The following WAPL variants were observed in gnomAD, a reference collection of about 807,000 sequenced individuals.
WAPL encodes the protein WAPL cohesin release factor, also known as wings apart-like protein homolog.
A neutral mutation model predicts 121.0 loss-of-function variants in WAPL; 5 were observed. That is an observed-to-expected ratio of 0.04 (90% CI 0.02 to 0.09). The LOEUF is 0.09. Ranked by LOEUF, WAPL falls within the 10% of genes least tolerant of loss-of-function variation. The pLI is 1.00. For missense variants in WAPL, 999 were observed against 1,410.8 expected, an observed-to-expected ratio of 0.71 and a Z score of 4.68; for synonymous variants, 480 against 481.5, an observed-to-expected ratio of 1.00 and a Z score of 0.04.
At chr10:86,519,798 A>T (rs915620727) in intron 1 of WAPL, among the ~76,000 whole-genome samples, 5 of 152,246 alleles carry the variant, frequency 3.3e-5, no homozygotes, top group African/African-American at 1.2e-4. Context: ...ACAAAGATGG[A>T]ATGTTTTGGA....
rs577836792 is a variant in WAPL at position 86,513,980 on chromosome 10, C to T, written c.499+3591G>A. The stretch of plus-strand genomic sequence containing the variant: ...ACCCAAGTAGGTACATGAATACTTG[C>T]ATCTGGAGAAAAGAGTTCAAAACTT... On this transcript the variant is annotated intron_variant, in intron 2 of 18. Transcript: ENST00000298767. 2.6e-5 allele frequency among the ~76,000 whole-genome samples: 4 copies of T among 152,296 alleles called. No homozygotes were observed. The South Asian group carries it at 8.3e-4, about 32-fold the overall frequency.
chr10:86,459,381 A>G (rs866697994), intron 11 of WAPL, among the ~76,000 whole-genome samples: 1 of 152,260 alleles, frequency 6.6e-6, no homozygotes, highest in Non-Finnish European at 1.5e-5. Context: ...CGTAAAGTTC[A>G]TAAGTAGATT....
chr10:86,491,658 G>T (rs550859499), intron 4 of WAPL, among the ~76,000 whole-genome samples: 15 of 151,094 alleles, frequency 9.9e-5, no homozygotes, highest in African/African-American at 3.4e-4. Flanking sequence ...GCTCAAAGAT[G>T]ACAGGTTATT....
Position 86,521,687 on chromosome 10 carries a change from C to T in WAPL, c.-345G>A, listed in dbSNP as rs763766768. ...CCGCCTCCTGCGCCGCCGCTTCCGC[C>T]GGTGAATGGTCAGTGCTGGAGTTTG... is the stretch of plus-strand genomic sequence containing the variant. On this transcript the variant is annotated 5_prime_UTR_variant, in exon 1 of 19. Transcript: ENST00000298767. The T allele has an allele frequency of 6.5e-6, 3 of 464,006 alleles. No individual in the cohort carries two copies. The highest frequency in any genetic ancestry group is 1.3e-5 in the Non-Finnish European group (3 of 224,592). 28.7% of individuals were successfully genotyped at this position (464,006 alleles called of 1,614,324 possible).
intron 5 of WAPL, 106 bp downstream of exon 5, chr10:86,473,771 AC>A: frequency 4.7e-6 from 4 of 853,342 alleles, no homozygotes; most frequent in Admixed American, 2.6e-5. Context: ...GCCAAAATAA[AC>A]TGTTAAATAG....
At chr10:86,506,920 A>T (rs1589537497) in intron 2 of WAPL, among the ~76,000 whole-genome samples, 1 of 152,042 alleles carries the variant, frequency 6.6e-6, no homozygotes, top group South Asian at 2.1e-4. Flanking sequence ...GGACACTGAT[A>T]TGCTGACTCT....
chr10:86,475,935 C>T (rs936481812), intron 4 of WAPL, among the ~76,000 whole-genome samples: 1 of 152,190 alleles, frequency 6.6e-6, no homozygotes, highest in African/African-American at 2.4e-5. Flanking sequence ...AATTGCAGCA[C>T]GCCTCTAGGC....
intron 4 of WAPL, among the ~76,000 whole-genome samples, chr10:86,479,404 C>A (rs1841731185): frequency 6.6e-6 from 1 of 152,078 alleles, no homozygotes; most frequent in Admixed American, 6.5e-5. Flanking sequence ...ATTACAAGCG[C>A]CAGCACGCCT....
At chr10:86,448,680 T>C (rs1035788717) in intron 15 of WAPL, among the ~76,000 whole-genome samples, 1 of 152,120 alleles carries the variant, frequency 6.6e-6, no homozygotes, top group Non-Finnish European at 1.5e-5. Context: ...AGTGGCAGGA[T>C]CATGGCTCAC....
Position 86,472,452 on chromosome 10 carries a change from A to T in WAPL, c.1894-108T>A, listed in dbSNP as rs1012027847. 8 of 1,507,248 alleles carry T rather than the reference A, an allele frequency of 5.3e-6. No homozygotes were observed. The highest frequency in any genetic ancestry group is 7.1e-6 in the Non-Finnish European group (8 of 1,124,648). The allele number at this position is 1,507,248 out of a possible 1,614,324, so 93.4% of individuals were successfully genotyped here. A position where few individuals can be genotyped will look rare whatever the true frequency, so the allele number is the denominator to read the frequency against. ...TGCATAAAATAGTTCATTAGATGGCAACAAAAATATTTTTAGAACAAGGAT... is the reference window on the plus strand; with the variant it reads ...TGCATAAAATAGTTCATTAGATGGCTACAAAAATATTTTTAGAACAAGGAT... On this transcript the variant is annotated intron_variant, in intron 6 of 18. Transcript: ENST00000298767. This position sits in a 1 kb window ranked among gnomAD's most constrained non-coding sequence, Gnocchi z 4.2.
chr10:86,452,155 T>A, intron 14 of WAPL, 24 bp from the exon 15 acceptor site: 1 of 1,607,358 alleles, frequency 6.2e-7, no homozygotes, highest in Non-Finnish European at 8.5e-7. Context: ...AAAAGACACA[T>A]ATTATCAGAG....
chr10:86,448,667 T>C (rs1002517048), intron 15 of WAPL, among the ~76,000 whole-genome samples: 9 of 152,144 alleles, frequency 5.9e-5, no homozygotes, highest in Non-Finnish European at 1.3e-4. Context: ...CAGGCTGGAG[T>C]GCAGTGGCAG....
intron 2 of WAPL, among the ~76,000 whole-genome samples, chr10:86,513,166 T>G (rs568434069): frequency 6.6e-6 from 1 of 152,040 alleles, no homozygotes; most frequent in Non-Finnish European, 1.5e-5. Flanking sequence ...CGCTAATTTT[T>G]TTGTATTTTT....
chr10:86,465,362 C>T lies in WAPL; in HGVS notation c.2370+1917G>A, dbSNP rs765799950. ...CTGGGAATACAGGCACCCACCACCACGCACAGCTAATTTTTGTATTTTTAG... is the reference window on the plus strand; with the variant it reads ...CTGGGAATACAGGCACCCACCACCATGCACAGCTAATTTTTGTATTTTTAG... On this transcript the variant is annotated intron_variant, in intron 9 of 18. Transcript: ENST00000298767. Among the ~76,000 whole-genome samples, 12 of 152,288 alleles carry T rather than the reference C, an allele frequency of 7.9e-5. No individual in the cohort carries two copies. The Middle Eastern group carries it at 0.014, about 173-fold the overall frequency.
At chr10:86,460,949 G>A (rs1841257519) in intron 10 of WAPL, among the ~76,000 whole-genome samples, 2 of 152,298 alleles carry the variant, frequency 1.3e-5, no homozygotes, top group African/African-American at 2.4e-5. Flanking sequence ...CCGACCTCAG[G>A]TGATCCGCCC....
intron 8 of WAPL, among the ~76,000 whole-genome samples, chr10:86,467,918 T>C (rs1225060931): frequency 6.6e-6 from 1 of 152,048 alleles, no homozygotes; most frequent in African/African-American, 2.4e-5. Context: ...GACTTCGTGA[T>C]CCGCCCACCT....
At chr10:86,474,100 AGTC>A (rs1175562924) in intron 4 of WAPL, 127 bp from the exon 5 acceptor site, 1 of 712,028 alleles carries the variant, frequency 1.4e-6, no homozygotes, top group East Asian at 2.7e-5. Flanking sequence ...ATCTGGGAAC[AGTC>A]CCACCATAAT....
chr10:86,446,022 G>A (rs1442623278), intron 16 of WAPL, among the ~76,000 whole-genome samples: 3 of 152,122 alleles, frequency 2.0e-5, no homozygotes, highest in Non-Finnish European at 4.4e-5. Flanking sequence ...GACTTAACTG[G>A]ATCTTTCCCG....
At chr10:86,487,582 C>T (rs539431609) in intron 4 of WAPL, among the ~76,000 whole-genome samples, 2 of 152,122 alleles carry the variant, frequency 1.3e-5, no homozygotes, top group Non-Finnish European at 2.9e-5. Flanking sequence ...CTCACAGACA[C>T]GTATGCTTAA....
Sources: allele counts gnomAD v4.1 joint callset (sites outside exome capture counted in the v4.1 genomes callset), GRCh38; gene constraint gnomAD v4.1.1; non-coding constraint Gnocchi (gnomAD v3.1); transcripts MANE v1.5; gene names NCBI Gene and HGNC (gene_info 2026-07-23, HGNC 2026-07-21).